GPM6A: variants seen among roughly 807,000 people sequenced by gnomAD.
GPM6A encodes neuronal membrane glycoprotein M6-a.
In GPM6A, 7 loss-of-function variants were observed where a neutral mutation model predicts 32.1. The ratio of observed to expected loss-of-function variants is 0.22; its 90% CI spans 0.12 to 0.41. The LOEUF is 0.41. Ranked by LOEUF, GPM6A falls within the 10% of genes least tolerant of loss-of-function variation. The pLI is 1.00. For synonymous variants in GPM6A, 130 were observed against 123.4 expected (o/e 1.05, Z -0.35); for missense variants, 235 against 347.2 (o/e 0.68, Z 2.57).
chr4:175,989,227 T>C (rs1028599883), intron 1 of GPM6A, among the ~76,000 whole-genome samples: 1 of 152,214 alleles, frequency 6.6e-6, no homozygotes, highest in Non-Finnish European at 1.5e-5. Flanking sequence ...TTATGCTGTA[T>C]TTTATTTTAA....
intron 1 of GPM6A, among the ~76,000 whole-genome samples, chr4:175,992,060 GCACACA>G (rs1554007513): frequency 3.6e-4 from 49 of 137,142 alleles, no homozygotes; most frequent in African/African-American, 1.2e-3. Flanking sequence ...AAACACACAT[GCACACA>G]CACACACACA....
intron 1 of GPM6A, among the ~76,000 whole-genome samples, chr4:175,952,717 G>A (rs1739855604): frequency 6.6e-6 from 1 of 152,028 alleles, no homozygotes; most frequent in Non-Finnish European, 1.5e-5. Flanking sequence ...GTCCACCAAT[G>A]AGTCCAGTCC....
intron 1 of GPM6A, among the ~76,000 whole-genome samples, chr4:175,871,232 G>A (rs1310901524): frequency 6.6e-6 from 1 of 152,110 alleles, no homozygotes; most frequent in East Asian, 1.9e-4. Flanking sequence ...ACTTTGGGTT[G>A]CTGAGGCAGA....
chr4:175,731,528 C>T (rs1309328809), intron 1 of GPM6A, among the ~76,000 whole-genome samples: 2 of 152,146 alleles, frequency 1.3e-5, no homozygotes, highest in African/African-American at 4.8e-5. Context: ...TCAGTGTCCT[C>T]TACACAGTGC....
chr4:175,798,905 G>A (rs1275548594), intron 1 of GPM6A, among the ~76,000 whole-genome samples: 1 of 152,074 alleles, frequency 6.6e-6, no homozygotes, highest in Non-Finnish European at 1.5e-5. Flanking sequence ...ACCAAAAGAG[G>A]TATTCAGTTT....
rs1733127213 is a variant in GPM6A, at chr4:175,770,133, T to A, written c.37+42058A>T. Among the ~76,000 whole-genome samples, 5 of 152,252 alleles carry A rather than the reference T, an allele frequency of 3.3e-5. No individual in the cohort carries two copies. In the South Asian group the frequency reaches 1.0e-3, roughly 32 times the overall value. Reference sequence around the variant, plus strand: ...CCTCTGCCTCCCAGGTTCAAGCAATTCTCCTGCCTCAGCCTCCCAAGTAGC... The same window carrying A: ...CCTCTGCCTCCCAGGTTCAAGCAATACTCCTGCCTCAGCCTCCCAAGTAGC... On this transcript the variant is annotated intron_variant, in intron 1 of 6. Coordinates refer to ENST00000393658, the MANE Select transcript of GPM6A (RefSeq NM_201591.3).
intron 1 of GPM6A, among the ~76,000 whole-genome samples, chr4:175,754,774 A>G (rs771888116): frequency 6.6e-6 from 1 of 151,842 alleles, no homozygotes; most frequent in East Asian, 1.9e-4. Flanking sequence ...TAAATTATTT[A>G]TCTAATTAAA....
At position 175,854,110 on chromosome 4, in the gene GPM6A, A is replaced by G. The variant is rs1331535652; in HGVS notation, c.-22-41861T>C. 2.0e-5 allele frequency among the ~76,000 whole-genome samples: 3 copies of G among 152,338 alleles called. No homozygotes were observed. The East Asian group carries it at 5.8e-4, about 29-fold the overall frequency. On this transcript the variant is annotated intron_variant, in intron 1 of 7. Transcript: ENST00000280187. Reference sequence around the variant, plus strand: ...CTGAGGATATAGTTTTGATTTTAGCAGAGGCACTTTGGAAATAAATATGTG... The same window carrying G: ...CTGAGGATATAGTTTTGATTTTAGCGGAGGCACTTTGGAAATAAATATGTG...
At chr4:175,900,916 A>T (rs1213427988) in intron 1 of GPM6A, among the ~76,000 whole-genome samples, 1 of 152,198 alleles carries the variant, frequency 6.6e-6, no homozygotes, top group Non-Finnish European at 1.5e-5. Context: ...TGTGGTACAG[A>T]TACACAATGG....
chr4:175,762,163 T>G (rs1732773437), intron 1 of GPM6A, among the ~76,000 whole-genome samples: 1 of 152,232 alleles, frequency 6.6e-6, no homozygotes, highest in Admixed American at 6.5e-5. Context: ...CTAATGTGCT[T>G]TGAATTCCCT....
At chr4:175,742,900 A>C (rs1484352460) in intron 1 of GPM6A, among the ~76,000 whole-genome samples, 2 of 152,040 alleles carry the variant, frequency 1.3e-5, no homozygotes, top group African/African-American at 4.8e-5. Flanking sequence ...TAATCCCAGC[A>C]CTTAGGTAGG....
intron 1 of GPM6A, among the ~76,000 whole-genome samples, chr4:175,838,554 T>C (rs1002707693): frequency 2.0e-5 from 3 of 151,430 alleles, no homozygotes; most frequent in Non-Finnish European, 2.9e-5. Flanking sequence ...GTGTTGTTAC[T>C]ACATCCCCGT....
intron 1 of GPM6A, among the ~76,000 whole-genome samples, chr4:175,915,021 T>A (rs370702800): frequency 6.6e-6 from 1 of 152,164 alleles, no homozygotes; most frequent in African/African-American, 2.4e-5. Context: ...TATTGCCAAA[T>A]TGGCCTTCTA....
intron 3 of GPM6A, among the ~76,000 whole-genome samples, chr4:175,669,750 T>C (rs1403980533): frequency 6.6e-6 from 1 of 152,226 alleles, no homozygotes; most frequent in Non-Finnish European, 1.5e-5. Context: ...TCTCAGAGAT[T>C]GACCTTATTG....
intron 1 of GPM6A, among the ~76,000 whole-genome samples, chr4:175,724,181 A>T (rs1746284671): frequency 6.6e-6 from 1 of 152,228 alleles, no homozygotes; most frequent in Admixed American, 6.5e-5. Flanking sequence ...CAAGGCCACT[A>T]TGTTAAGGGA....
At chr4:175,792,133 T>G (rs915197491) in intron 1 of GPM6A, among the ~76,000 whole-genome samples, 2 of 152,188 alleles carry the variant, frequency 1.3e-5, no homozygotes, top group Non-Finnish European at 2.9e-5. Flanking sequence ...TATAAAAATA[T>G]ATTTCAGTCT....
At position 175,897,674 on chromosome 4, in the gene GPM6A, TG is replaced by T. The variant is rs1737839696; in HGVS notation, c.-22-85426del. Among the ~76,000 whole-genome samples, 4 of 152,322 alleles carry T rather than the reference TG, an allele frequency of 2.6e-5. No individual in the cohort carries two copies. In the South Asian group the frequency reaches 8.3e-4, roughly 32 times the overall value. On this transcript the variant is annotated intron_variant, in intron 1 of 7. Transcript: ENST00000280187. The stretch of plus-strand genomic sequence containing the variant: ...TAAGATATTTAAGATTAGGGAGGCA[TG>T]CACTTGAGAACTTAAGAAAGAAGAG...
intron 6 of GPM6A, among the ~76,000 whole-genome samples, chr4:175,636,887 T>G (rs892201634): frequency 2.8e-5 from 4 of 142,594 alleles, no homozygotes; most frequent in South Asian, 4.2e-4. Flanking sequence ...AGGAAGCACC[T>G]GTTTCTGAAT....
At chr4:175,650,270 TTTTATTTATTTATTTATTTATTTATTTA>T (rs140528336) in intron 4 of GPM6A, among the ~76,000 whole-genome samples, 6 of 143,062 alleles carry the variant, frequency 4.2e-5, no homozygotes, top group Non-Finnish European at 7.6e-5. Context: ...GATTTCATTA[TTTTATTTATTTATTTATTTATTTATTTA>T]TTTATTTATT....
Sources: gnomAD v4.1 joint callset for allele counts (sites outside exome capture counted in the v4.1 genomes callset) on GRCh38, gnomAD v4.1.1 for gene constraint, MANE v1.5 for transcripts, NCBI Gene and HGNC (gene_info 2026-07-23, HGNC 2026-07-21) for gene names.